Variants in DENND4C observed in about 807,000 individuals in gnomAD.
DENND4C encodes DENN domain containing 4C, also known as DENN domain-containing protein 4C.
DENND4C carries 108 observed loss-of-function variants against 203.0 expected under a neutral mutation model. That is an observed-to-expected ratio of 0.53 (90% CI 0.46 to 0.62). The LOEUF is 0.62. DENND4C is among the 20% of genes least tolerant of loss of function. The probability of loss-of-function intolerance (pLI) is 0.00; values close to 1 mark genes in which losing one functional copy is unlikely to be tolerated. For synonymous variants in DENND4C, 871 were observed against 792.4 expected, an observed-to-expected ratio of 1.10 and a Z score of -1.67; for missense variants, 2,481 against 2,301.2, an observed-to-expected ratio of 1.08 and a Z score of -1.60.
chr9:19,331,397 TTCACCA>T (rs1819130923), intron 16 of DENND4C, among the ~76,000 whole-genome samples: 5 of 152,052 alleles, frequency 3.3e-5, no homozygotes, highest in Admixed American at 3.3e-4. Flanking sequence ...GAGACTGGGT[TTCACCA>T]TGTTGGCCAG....
In DENND4C at chr9:19,286,829, C is replaced by G. The variant is rs1176053610; in HGVS notation, c.366C>G (p.Pro122=). The G allele has an allele frequency of 3.0e-5, 37 of 1,232,110 alleles. No homozygotes were observed. Among genetic ancestry groups the G allele is most frequent in the Non-Finnish European group, 3.6e-5 (36 of 987,946 alleles). 76.3% of individuals were successfully genotyped at this position (1,232,110 alleles called of 1,614,324 possible). The change falls in exon 3 of 33, where the codon CCC becomes CCG. Residue 122 remains proline (P), a synonymous_variant. Transcript: ENST00000434457. ...GATGTGAAGTGATCCTAGCCACACC[C>G]TATGGTCGCTGTGCCAATGTCAACA... ...IPGCEVILAT[P]YGRCANVNNS... is the part of the protein sequence containing the mutation.
intron 5 of DENND4C, 86 bp downstream of exon 5, chr9:19,290,962 G>T: frequency 7.6e-7 from 1 of 1,309,524 alleles, no homozygotes; most frequent in East Asian, 2.5e-5. Flanking sequence ...TTGAATGTTA[G>T]GATTATTTGG....
At chr9:19,295,976 A>T in intron 5 of DENND4C, 32 bp from the exon 6 acceptor site, 1 of 1,510,208 alleles carries the variant, frequency 6.6e-7, no homozygotes, top group East Asian at 2.3e-5. Context: ...AAACAAACTC[A>T]AATCTTATAA....
intron 10 of DENND4C, among the ~76,000 whole-genome samples, chr9:19,315,790 C>G (rs1841732500): frequency 6.6e-6 from 1 of 151,604 alleles, no homozygotes. Flanking sequence ...ACTGCAACCT[C>G]CGCCTCCTGG....
chr9:19,292,765 C>T (rs977307071), intron 5 of DENND4C, among the ~76,000 whole-genome samples: 1 of 151,864 alleles, frequency 6.6e-6, no homozygotes, highest in African/African-American at 2.4e-5. Flanking sequence ...AGGCTGGTCT[C>T]GAACTCCTGA....
intron 18 of DENND4C, 112 bp downstream of exon 18, chr9:19,335,217 TTAA>T: frequency 3.4e-6 from 2 of 581,262 alleles, no homozygotes; most frequent in Non-Finnish European, 2.5e-6. Context: ...ATATAATTTT[TTAA>T]TAATTTTTAT....
Position 19,370,090 on chromosome 9 carries a change from C to G in DENND4C, c.5675+103C>G, listed in dbSNP as rs1377722656. 5 of 1,339,502 alleles carry G rather than the reference C, an allele frequency of 3.7e-6. No individual in the cohort carries two copies. The African/African-American group carries it at 7.3e-5, about 20-fold the overall frequency. 83.0% of individuals were successfully genotyped at this position (1,339,502 alleles called of 1,614,324 possible). A position where few individuals can be genotyped will look rare whatever the true frequency, so the allele number is the denominator to read the frequency against. On this transcript the variant is annotated intron_variant, in intron 31 of 32. Coordinates refer to ENST00000434457, the MANE Select transcript of DENND4C (RefSeq NM_001330640.2). Reference sequence around the variant, plus strand: ...TCTCTAGTTGTCGAAGAAACACATACTCATTGCAAAACATCTATTGTTTTA... The same window carrying G: ...TCTCTAGTTGTCGAAGAAACACATAGTCATTGCAAAACATCTATTGTTTTA...
rs1491345335 is a variant in DENND4C at position 19,332,516 on chromosome 9, AAT to A, written c.2460+333_2460+334del. On this transcript the variant is annotated intron_variant, in intron 17 of 32. Transcript: ENST00000434457. ...CAGGCACATGTTACCATACCTGGCTAATTTTTTTTTTTTTTTTTTTGTATTTT... is the reference window on the plus strand; with the variant it reads ...CAGGCACATGTTACCATACCTGGCTATTTTTTTTTTTTTTTTTTGTATTTT... Among the ~76,000 whole-genome samples the A allele has an allele frequency of 4.7e-5, 5 of 106,572 alleles. No homozygotes were observed. The East Asian group carries it at 7.2e-4, about 15-fold the overall frequency. The allele number at this position is 106,572 out of a possible 152,430, so 69.9% of individuals were successfully genotyped here.
chr9:19,292,255 C>G (rs1276865970), intron 5 of DENND4C: 1 of 151,660 alleles, frequency 6.6e-6, no homozygotes, highest in Non-Finnish European at 1.5e-5. Flanking sequence ...GTCTCAAACT[C>G]CTGACCTAAA....
chr9:19,264,830 T>G (rs1374864954), intron 1 of DENND4C, among the ~76,000 whole-genome samples: 1 of 152,114 alleles, frequency 6.6e-6, no homozygotes, highest in Non-Finnish European at 1.5e-5. Context: ...CTACTAATTT[T>G]GGGTTTGGTT....
intron 1 of DENND4C, among the ~76,000 whole-genome samples, chr9:19,236,372 A>C (rs1472904674): frequency 1.3e-5 from 2 of 152,200 alleles, no homozygotes; most frequent in Non-Finnish European, 2.9e-5. Context: ...CTGATTAAAA[A>C]CTTACAACTT....
At chr9:19,278,708 A>C (rs1299687381) in intron 2 of DENND4C, among the ~76,000 whole-genome samples, 1 of 152,160 alleles carries the variant, frequency 6.6e-6, no homozygotes, top group Non-Finnish European at 1.5e-5. Context: ...TAACTCCTTT[A>C]GTATTGTCCA....
At chr9:19,278,488 G>A (rs1411234930) in intron 2 of DENND4C, among the ~76,000 whole-genome samples, 2 of 151,994 alleles carry the variant, frequency 1.3e-5, no homozygotes, top group Admixed American at 6.6e-5. Context: ...ACCACCACTT[G>A]TTACGCTCAT....
At position 19,360,403 on chromosome 9, in the gene DENND4C, C is replaced by G; in HGVS notation, c.5320C>G (p.Leu1774Val). ...INQHPIIFWNLVWYFRRLDLP... is the reference protein window; with the variant it reads ...INQHPIIFWNVVWYFRRLDLP... ...TCAACATCCAATCATTTTCTGGAAC[C>G]TCGTTTGGTATTTCAGACGTTTGGA... The change falls in exon 29 of 33, where the codon CTC becomes GTC. Residue 1774 changes from leucine (L) to valine (V), a missense_variant. Around this residue, in one of 3 missense-constraint regions of DENND4C, gnomAD observed 2,289 missense variants for 2,113.3 expected, o/e 1.08. Coordinates refer to ENST00000434457, the MANE Select transcript of DENND4C (RefSeq NM_001330640.2). 6.2e-7 allele frequency: 1 copy of G among 1,614,064 alleles called. No homozygotes were observed. The highest frequency in any genetic ancestry group is 8.5e-7 in the Non-Finnish European group (1 of 1,179,992).
chr9:19,303,716 C>T (rs530196758), intron 9 of DENND4C, among the ~76,000 whole-genome samples: 5 of 152,070 alleles, frequency 3.3e-5, no homozygotes, highest in South Asian at 4.2e-4. Context: ...GGGTAGTAAG[C>T]GTTATAGGCA....
At chr9:19,315,497 A>G (rs1003966195) in intron 10 of DENND4C, among the ~76,000 whole-genome samples, 4 of 150,952 alleles carry the variant, frequency 2.6e-5, no homozygotes, top group African/African-American at 9.7e-5. Context: ...TGGAATATAT[A>G]TATATATACA....
At position 19,358,608 on chromosome 9, in the gene DENND4C, G is replaced by A. The variant is rs1459451564; in HGVS notation, c.5160+448G>A. On this transcript the variant is annotated intron_variant, in intron 28 of 32. Transcript: ENST00000434457. The surrounding 1 kb of genome is among the most constrained non-coding windows in gnomAD (Gnocchi z 4.8). ...TCAAATTTCTGATTGTCTCAAAAAT[G>A]TCAAATGCATATGTGTGCTTGTGTA... 1.3e-5 allele frequency among the ~76,000 whole-genome samples: 2 copies of A among 151,762 alleles called. No individual in the cohort carries two copies. The highest frequency in any genetic ancestry group is 2.9e-5 in the Non-Finnish European group (2 of 67,996).
intron 1 of DENND4C, among the ~76,000 whole-genome samples, chr9:19,245,837 C>T (rs2131533205): frequency 7.0e-6 from 1 of 143,102 alleles, no homozygotes; most frequent in African/African-American, 2.6e-5. Context: ...GCCTGGACGA[C>T]AGAGCGAGAC....
At position 19,290,717 on chromosome 9, in the gene DENND4C, A is replaced by G. The variant is rs1342191760; in HGVS notation, c.642A>G (p.Arg214=). 5 of 1,455,642 alleles carry G rather than the reference A, an allele frequency of 3.4e-6. No homozygotes were observed. The East Asian group carries it at 1.2e-4, about 34-fold the overall frequency. 90.2% of individuals were successfully genotyped at this position (1,455,642 alleles called of 1,614,324 possible). A position where few individuals can be genotyped will look rare whatever the true frequency, so the allele number is the denominator to read the frequency against. The change falls in exon 5 of 33, where the codon AGA becomes AGG. Residue 214 remains arginine, a synonymous_variant. Coordinates refer to ENST00000434457, the MANE Select transcript of DENND4C (RefSeq NM_001330640.2). The stretch of plus-strand genomic sequence containing the variant: ...ATTCTTCAAAAGGTTTAATTTTTAG[A>G]TATCCAGAAGAGGACTATGAGTCAT... ...AIAYKAGLIF[R]YPEEDYESFP... is the part of the protein sequence containing the mutation.
Sources: gnomAD v4.1 joint callset for allele counts (sites outside exome capture counted in the v4.1 genomes callset) on GRCh38, gnomAD v4.1.1 for gene constraint, gnomAD v4.1.1 regional missense constraint, Gnocchi (gnomAD v3.1) non-coding constraint, MANE v1.5 for transcripts, NCBI Gene and HGNC (gene_info 2026-07-23, HGNC 2026-07-21) for gene names.